Variants in SLC14A2 observed in about 807,000 individuals in gnomAD.
SLC14A2 encodes solute carrier family 14 member 2.
In SLC14A2, 91 loss-of-function variants were observed where a neutral mutation model predicts 104.6. The observed-to-expected ratio is 0.87, with a 90% confidence interval of 0.73 to 1.04. SLC14A2 has a LOEUF of 1.04. Ranked by LOEUF, SLC14A2 falls within the 50% of genes least tolerant of loss-of-function variation. SLC14A2 has a pLI of 0.00. For synonymous variants in SLC14A2, 476 were observed against 466.4 expected (o/e 1.02, Z -0.27); for missense variants, 1,189 against 1,156.0 (o/e 1.03, Z -0.41).
Position 45,639,852 on chromosome 18 carries a change from G to GCCACTCA in SLC14A2, c.951_952insCACTCAC (p.Leu318HisfsTer129). The GCCACTCA allele has an allele frequency of 6.2e-7, 1 of 1,613,794 alleles. No homozygotes were observed. The highest frequency in any genetic ancestry group is 1.1e-5 in the South Asian group (1 of 91,062). ...CTGTTCATCTCCTCGCCACTCATCT[G>GCCACTCA]CTTGCATGCAGCCATTGGCTCAATC... is the stretch of plus-strand genomic sequence containing the variant. On this transcript the variant is annotated frameshift_variant, in exon 7 of 20. Transcript: ENST00000255226. LOFTEE classifies it high-confidence loss of function.
At chr18:45,438,479 G>A (rs1157221013) in intron 1 of SLC14A2, 2 of 152,236 alleles carry the variant, frequency 1.3e-5, no homozygotes, top group African/African-American at 4.8e-5. Flanking sequence ...GTGTTTGGGT[G>A]TTCATACATG....
intron 2 of SLC14A2, among the ~76,000 whole-genome samples, chr18:45,595,958 G>A (rs981310747): frequency 6.6e-6 from 1 of 152,166 alleles, no homozygotes; most frequent in African/African-American, 2.4e-5. Context: ...AGGTCACAGG[G>A]CCCACATTGC....
intron 2 of SLC14A2, among the ~76,000 whole-genome samples, chr18:45,556,612 T>G (rs1400429384): frequency 6.6e-6 from 1 of 152,228 alleles, no homozygotes; most frequent in East Asian, 1.9e-4. Flanking sequence ...ATGAAGATAA[T>G]AGTAGTTAAA....
chr18:45,205,932 G>A, the SLC14A2 span, among the ~76,000 whole-genome samples: 3 of 152,252 alleles, frequency 2.0e-5, no homozygotes, highest in Non-Finnish European at 4.4e-5. Flanking sequence ...CCAAAGAAAA[G>A]AGGAGAGTAA....
chr18:45,618,254 C>T (rs1231353942), intron 1 of SLC14A2, among the ~76,000 whole-genome samples: 1 of 152,212 alleles, frequency 6.6e-6, no homozygotes, highest in Admixed American at 6.5e-5. Flanking sequence ...TATGGAAACT[C>T]TCCTTGCATC....
chr18:45,505,108 C>A (rs921367078), intron 2 of SLC14A2, among the ~76,000 whole-genome samples: 2 of 152,042 alleles, frequency 1.3e-5, no homozygotes, highest in African/African-American at 4.8e-5. Context: ...GAAATGAGGA[C>A]CTATGATGAG....
chr18:45,674,308 A>G (rs1021399304), intron 18 of SLC14A2, among the ~76,000 whole-genome samples: 2 of 150,962 alleles, frequency 1.3e-5, no homozygotes, highest in African/African-American at 4.8e-5. Context: ...CATTTAAAAC[A>G]GAAGTTCTAT....
chr18:45,440,150 C>G (rs1043673644), intron 1 of SLC14A2, among the ~76,000 whole-genome samples: 1 of 152,032 alleles, frequency 6.6e-6, no homozygotes, highest in African/African-American at 2.4e-5. Flanking sequence ...TGAATATGGG[C>G]CACCTCTGGG....
intron 2 of SLC14A2, among the ~76,000 whole-genome samples, chr18:45,519,386 G>A (rs553657197): frequency 6.6e-6 from 1 of 152,262 alleles, no homozygotes; most frequent in South Asian, 2.1e-4. Flanking sequence ...ATGCTCCAAG[G>A]CCAGGCATGA....
chr18:45,665,747 G>A (rs2046012675), intron 11 of SLC14A2, among the ~76,000 whole-genome samples: 1 of 126,296 alleles, frequency 7.9e-6, no homozygotes, highest in Non-Finnish European at 1.6e-5. Context: ...TGTGGAACAG[G>A]AGAAAGAACC....
chr18:45,431,146 G>C (rs1302612493), intron 1 of SLC14A2, among the ~76,000 whole-genome samples: 1 of 152,212 alleles, frequency 6.6e-6, no homozygotes, highest in Non-Finnish European at 1.5e-5. Flanking sequence ...TGATTAGGTA[G>C]AGGGAATAGT....
At chr18:45,416,494 C>T (rs1231605780) in intron 1 of SLC14A2, among the ~76,000 whole-genome samples, 2 of 152,102 alleles carry the variant, frequency 1.3e-5, no homozygotes, top group African/African-American at 2.4e-5. Context: ...TAATCATCCT[C>T]GGAATCTGAA....
intron 2 of SLC14A2, among the ~76,000 whole-genome samples, chr18:45,513,097 C>T (rs574062809): frequency 6.6e-6 from 1 of 152,252 alleles, no homozygotes; most frequent in South Asian, 2.1e-4. Context: ...GAAGCAGTAT[C>T]CTGAGAGTTC....
intron 1 of SLC14A2, among the ~76,000 whole-genome samples, chr18:45,397,650 C>A (rs2086049911): frequency 6.6e-6 from 1 of 152,134 alleles, no homozygotes; most frequent in Non-Finnish European, 1.5e-5. Context: ...TTTGGCTGTG[C>A]AGAAGCTCTT....
intron 10 of SLC14A2, among the ~76,000 whole-genome samples, chr18:45,659,600 G>A (rs578124405): frequency 2.8e-4 from 43 of 152,184 alleles, no homozygotes; most frequent in African/African-American, 2.4e-4. Flanking sequence ...TTATATCACC[G>A]TCTATAAACT....
intron 10 of SLC14A2, among the ~76,000 whole-genome samples, chr18:45,648,550 T>C (rs1395186213): frequency 4.6e-5 from 7 of 152,170 alleles, no homozygotes; most frequent in Admixed American, 1.3e-4. Flanking sequence ...AGTATTAATA[T>C]TGTTGTACCT....
chr18:45,607,830 A>ACCCT (rs1252745110), intron 2 of SLC14A2, among the ~76,000 whole-genome samples: 15 of 152,198 alleles, frequency 9.9e-5, no homozygotes, highest in Non-Finnish European at 8.8e-5. Context: ...AAAGTTGCTC[A>ACCCT]CTTACATGAC....
At chr18:45,377,158 G>T (rs1265408095) in intron 1 of SLC14A2, among the ~76,000 whole-genome samples, 1 of 152,030 alleles carries the variant, frequency 6.6e-6, no homozygotes, top group African/African-American at 2.4e-5. Flanking sequence ...TCCTGGTCCT[G>T]TGTGACCTCT....
At chr18:45,378,184 G>A (rs909523392) in intron 1 of SLC14A2, among the ~76,000 whole-genome samples, 1 of 151,404 alleles carries the variant, frequency 6.6e-6, no homozygotes, top group African/African-American at 2.4e-5. Context: ...TTGGGACTGG[G>A]TCTTATTTAT....
Sources: allele counts gnomAD v4.1 joint callset (sites outside exome capture counted in the v4.1 genomes callset), GRCh38; gene constraint gnomAD v4.1.1; transcripts MANE v1.5; gene names NCBI Gene and HGNC (gene_info 2026-07-23, HGNC 2026-07-21).